PCDHGA3: variants seen among roughly 807,000 people sequenced by gnomAD.
PCDHGA3 encodes the protein protocadherin gamma subfamily A, 3.
A neutral mutation model predicts 58.5 loss-of-function variants in PCDHGA3; 40 were observed. The ratio of observed to expected loss-of-function variants is 0.68; its 90% CI spans 0.53 to 0.89. The LOEUF is 0.89. PCDHGA3 is among the 40% of genes least tolerant of loss of function. The probability of loss-of-function intolerance (pLI) is 0.00; values close to 1 mark genes in which losing one functional copy is unlikely to be tolerated. For missense variants in PCDHGA3, 1,223 were observed against 1,195.9 expected (o/e 1.02, Z -0.33); for synonymous variants, 530 against 525.7 (o/e 1.01, Z -0.11).
At chr5:141,509,872 G>A (rs968745661) in intron 3 of PCDHGA3, among the ~76,000 whole-genome samples, 1 of 152,166 alleles carries the variant, frequency 6.6e-6, no homozygotes, top group Non-Finnish European at 1.5e-5. Context: ...CCAAGCTGCT[G>A]GTGGTGATGG....
intron 1 of PCDHGA3, chr5:141,357,789 C>A: frequency 1.2e-6 from 1 of 838,664 alleles, no homozygotes; most frequent in Non-Finnish European, 1.8e-6. Context: ...ACAGTATTTA[C>A]CACACAAAAA....
rs778538278 is a variant in PCDHGA3 at position 141,371,482 on chromosome 5, G to A, written c.2424+25025G>A. The A allele has an allele frequency of 1.4e-5, 22 of 1,613,812 alleles. No individual in the cohort carries two copies. The African/African-American group carries it at 2.8e-4, about 21-fold the overall frequency. Reference sequence around the variant, plus strand: ...CATATACAAGAAGATGCTGAGCTGGGGACTGCCGTTGCCCTGATCAAAACA... The same window carrying A: ...CATATACAAGAAGATGCTGAGCTGGAGACTGCCGTTGCCCTGATCAAAACA... On this transcript the variant is annotated intron_variant, in intron 1 of 3. Coordinates refer to ENST00000253812, the MANE Select transcript of PCDHGA3 (RefSeq NM_018916.4).
intron 1 of PCDHGA3, chr5:141,428,413 C>A: frequency 2.2e-6 from 1 of 461,904 alleles, no homozygotes; most frequent in Non-Finnish European, 4.0e-6. Context: ...TTGCTTTCAC[C>A]CTGGTCTCTG....
intron 1 of PCDHGA3, chr5:141,390,260 C>T (rs1206984031): frequency 6.2e-7 from 1 of 1,614,002 alleles, no homozygotes; most frequent in Non-Finnish European, 8.5e-7. Context: ...TTTGTAATTC[C>T]AGTGAATTGA....
chr5:141,441,883 A>T, intron 1 of PCDHGA3: 1 of 343,546 alleles, frequency 2.9e-6, no homozygotes, highest in South Asian at 2.6e-5. Context: ...CTACCTGGTC[A>T]CCAAGGTGGT....
chr5:141,375,280 C>T (rs771324220), intron 1 of PCDHGA3: 1 of 1,613,676 alleles, frequency 6.2e-7, no homozygotes, highest in Non-Finnish European at 8.5e-7. Context: ...AATCAGTTGG[C>T]AATTATTATC....
chr5:141,483,648 T>TTGTGTGTGTGTG (rs111458813), intron 1 of PCDHGA3, among the ~76,000 whole-genome samples: 51 of 149,708 alleles, frequency 3.4e-4, no homozygotes, highest in African/African-American at 1.2e-3. Context: ...GGGTGTGTGT[T>TTGTGTGTGTGTG]TGTGTGTGTG....
chr5:141,403,482 A>C (rs764737675), intron 1 of PCDHGA3: 2 of 1,613,892 alleles, frequency 1.2e-6, no homozygotes, highest in Non-Finnish European at 1.7e-6. Flanking sequence ...CCCAATCACC[A>C]CTTCTCCCTG....
intron 1 of PCDHGA3, chr5:141,362,537 C>T (rs1366233043): frequency 6.2e-7 from 1 of 1,613,822 alleles, no homozygotes. Flanking sequence ...GTCCCTTTTG[C>T]CTCAGATACT....
intron 1 of PCDHGA3, chr5:141,441,249 T>TA (rs981387539): frequency 2.0e-5 from 3 of 152,206 alleles, no homozygotes. Context: ...ACAAGATCTT[T>TA]AAATCACAAG....
At chr5:141,422,724 G>A (rs560544401) in intron 1 of PCDHGA3, 9 of 1,606,016 alleles carry the variant, frequency 5.6e-6, no homozygotes, top group East Asian at 2.2e-5. Flanking sequence ...CTGTCCAGGG[G>A]GTGCCTCTGT....
intron 1 of PCDHGA3, 41 bp downstream of exon 1, chr5:141,346,498 A>G: frequency 6.2e-7 from 1 of 1,611,398 alleles, no homozygotes; most frequent in Non-Finnish European, 8.5e-7. Flanking sequence ...AACAAATATG[A>G]GAATGTGGTT....
At chr5:141,356,909 A>G (rs748015805) in intron 1 of PCDHGA3, 23 of 1,613,988 alleles carry the variant, frequency 1.4e-5, no homozygotes, top group Non-Finnish European at 1.8e-5. Flanking sequence ...TTCCCTACTG[A>G]TGGCTCCACT....
At chr5:141,426,714 C>T (rs779529448) in intron 1 of PCDHGA3, 2 of 444,724 alleles carry the variant, frequency 4.5e-6, no homozygotes, top group South Asian at 3.1e-5. Flanking sequence ...AATCAATGAA[C>T]TAGCAATTCC....
chr5:141,492,360 G>A (rs2099739696), intron 1 of PCDHGA3, among the ~76,000 whole-genome samples: 1 of 152,190 alleles, frequency 6.6e-6, no homozygotes, highest in African/African-American at 2.4e-5. Context: ...CCACTCGCTC[G>A]CGGCCAGATT....
intron 2 of PCDHGA3, among the ~76,000 whole-genome samples, chr5:141,505,066 G>A (rs1312509903): frequency 6.6e-6 from 1 of 152,190 alleles, no homozygotes; most frequent in Non-Finnish European, 1.5e-5. Flanking sequence ...GGAGACTGAG[G>A]CAGGAGAATC....
intron 1 of PCDHGA3, chr5:141,398,897 C>T (rs761364649): frequency 1.2e-6 from 2 of 1,613,932 alleles, no homozygotes; most frequent in Non-Finnish European, 1.7e-6. Context: ...AACGTGCCAC[C>T]AGGCACCACT....
chr5:141,430,949 GT>G (rs1391027030), intron 1 of PCDHGA3: 5 of 1,610,510 alleles, frequency 3.1e-6, no homozygotes, highest in Non-Finnish European at 4.2e-6. Flanking sequence ...GGAGCGCGGA[GT>G]CCGCATCATC....
At chr5:141,379,960 T>C (rs1490584684) in intron 1 of PCDHGA3, among the ~76,000 whole-genome samples, 1 of 140,094 alleles carries the variant, frequency 7.1e-6, no homozygotes, top group East Asian at 2.3e-4. Flanking sequence ...AATGCAGTGG[T>C]GTGATCTCTG....
Sources: allele counts gnomAD v4.1 joint callset (sites outside exome capture counted in the v4.1 genomes callset), GRCh38; gene constraint gnomAD v4.1.1; transcripts MANE v1.5; gene names NCBI Gene and HGNC (gene_info 2026-07-23, HGNC 2026-07-21).